SFI1: variants seen among roughly 807,000 people sequenced by gnomAD.
SFI1 encodes the protein SFI1 centrin binding protein, also known as protein SFI1 homolog.
A neutral mutation model predicts 207.5 loss-of-function variants in SFI1; 195 were observed. That is an observed-to-expected ratio of 0.94 (90% CI 0.84 to 1.06). SFI1 has a LOEUF of 1.06. Among genes scored for constraint, SFI1 ranks in the 50% least tolerant of loss-of-function variants. The pLI is 0.00. For missense variants in SFI1, 1,634 were observed against 1,588.0 expected, an observed-to-expected ratio of 1.03 and a Z score of -0.49; for synonymous variants, 630 against 598.9, an observed-to-expected ratio of 1.05 and a Z score of -0.76.
intron 2 of SFI1, among the ~76,000 whole-genome samples, chr22:31,515,838 A>G (rs1304954055): frequency 6.8e-6 from 1 of 147,444 alleles, no homozygotes; most frequent in Non-Finnish European, 1.5e-5. Context: ...CCTGGGTTCA[A>G]GCAATTCTCC....
chr22:31,516,162 T>C (rs1289501696), intron 2 of SFI1, among the ~76,000 whole-genome samples: 1 of 152,148 alleles, frequency 6.6e-6, no homozygotes, highest in Non-Finnish European at 1.5e-5. Flanking sequence ...TTGTATGTTT[T>C]ATGTGTGATA....
rs61729922 is a variant in SFI1 at position 31,550,314 on chromosome 22, G to A, written c.510G>A (p.Glu170=). 3.7e-3 allele frequency: 5,943 copies of A among 1,614,184 alleles called. 8 individuals are homozygous for A. Among genetic ancestry groups the A allele is most frequent in the Non-Finnish European group, 4.5e-3 (5,291 of 1,180,000 alleles). ...AGACCTATGTGCGTCAGCAGCAGGA[G>A]ATGAGGAACAAGTACATTAGAGCCG... is the stretch of plus-strand genomic sequence containing the variant. The part of the protein sequence containing the change: ...TWKTYVRQQQ[E]MRNKYIRAEV... Residue 170 remains glutamate, a synonymous_variant, in exon 6 of 33, where the codon GAG becomes GAA. Coordinates refer to ENST00000400288, the MANE Select transcript of SFI1 (RefSeq NM_001007467.3).
chr22:31,580,999 C>G (rs376702350), intron 12 of SFI1, among the ~76,000 whole-genome samples: 48 of 152,126 alleles, frequency 3.2e-4, no homozygotes, highest in African/African-American at 1.1e-3. Context: ...GATACAAATA[C>G]TTTCTTTTTT....
chr22:31,503,594 T>G (rs576186062), intron 1 of SFI1, among the ~76,000 whole-genome samples: 1 of 148,128 alleles, frequency 6.8e-6, no homozygotes, highest in African/African-American at 2.5e-5. Context: ...GTTTTTTTTT[T>G]TTTTTTTTTT....
chr22:31,608,153 C>A, intron 22 of SFI1, 120 bp downstream of exon 22: 1 of 723,932 alleles, frequency 1.4e-6, no homozygotes, highest in Non-Finnish European at 2.3e-6. Context: ...CTGTGGTTGC[C>A]ATGACAAAGT....
rs200458156 is a variant in SFI1 at position 31,589,531 on chromosome 22, C to T, written c.1498C>T (p.Arg500Cys). ...CACATGGAACAGACTCTGGCGATGGCGCCACCAGGAAAATGTCCTCAGTGC... is the reference window on the plus strand; with the variant it reads ...CACATGGAACAGACTCTGGCGATGGTGCCACCAGGAAAATGTCCTCAGTGC... ...FHTWNRLWRW[R>C]HQENVLSARA... Residue 500 changes from arginine to cysteine, a missense_variant, in exon 15 of 33, where the codon CGC (arginine) becomes TGC (cysteine). Transcript: ENST00000400288. 1.1e-5 allele frequency: 18 copies of T among 1,613,912 alleles called. No individual in the cohort carries two copies. Among genetic ancestry groups the T allele is most frequent in the South Asian group, 2.2e-5 (2 of 91,026 alleles).
Position 31,528,828 on chromosome 22 carries a change from T to C in SFI1, c.231T>C (p.Cys77=). 1 of 1,614,082 alleles carries C rather than the reference T, an allele frequency of 6.2e-7. No individual in the cohort carries two copies. The highest frequency in any genetic ancestry group is 8.5e-7 in the Non-Finnish European group (1 of 1,179,968). ...TGCAGTATCGTGGCACACATACTTG[T>C]ACCCGACAGGGCCGGTTAAGAGAAC... ...HLVQYRGTHT[C]TRQGRLRELR... is the part of the protein sequence containing the mutation. Residue 77 remains cysteine (C), a synonymous_variant, in exon 3 of 33, where the codon TGT becomes TGC. Coordinates refer to ENST00000400288, the MANE Select transcript of SFI1 (RefSeq NM_001007467.3).
chr22:31,496,726 C>T (rs1208368061), intron 1 of SFI1, 89 bp downstream of exon 1: 2 of 152,254 alleles, frequency 1.3e-5, no homozygotes, highest in Non-Finnish European at 2.9e-5. Context: ...CGGGTTCCTC[C>T]GAGCCCGGTG....
chr22:31,539,889 A>G (rs1336124762), intron 4 of SFI1, among the ~76,000 whole-genome samples: 1 of 151,326 alleles, frequency 6.6e-6, no homozygotes, highest in Non-Finnish European at 1.5e-5. Flanking sequence ...CTACTTTTTG[A>G]ATTTTTAGTA....
rs1490699404 is a variant in SFI1, at chr22:31,615,585, T to G, written c.3300+306T>G. 4 of 305,686 alleles carry G rather than the reference T, an allele frequency of 1.3e-5. No individual in the cohort carries two copies. The East Asian group carries it at 2.1e-4, about 16-fold the overall frequency. 18.9% of individuals were successfully genotyped at this position (305,686 alleles called of 1,614,324 possible). The stretch of plus-strand genomic sequence containing the variant: ...GGGTCCTGCAGGCCACAGTGAGAAG[T>G]AGCCTGGGATTTGAGAAGAGTAGGA... On this transcript the variant is annotated intron_variant, in intron 29 of 32. Transcript: ENST00000400288.
intron 23 of SFI1, 141 bp downstream of exon 23, chr22:31,611,444 T>C (rs2070125442): frequency 1.8e-6 from 2 of 1,130,778 alleles, no homozygotes; most frequent in Non-Finnish European, 1.2e-6. Flanking sequence ...TGGGGTCCTG[T>C]AAGACAAAGC....
chr22:31,550,345 C>T lies in SFI1; in HGVS notation c.541C>T (p.His181Tyr). Residue 181 changes from histidine to tyrosine, a missense_variant, in exon 6 of 33, where the codon CAT becomes TAT. By Grantham distance (83) the His-to-Tyr change is moderately conservative. Coordinates refer to ENST00000400288, the MANE Select transcript of SFI1 (RefSeq NM_001007467.3). The part of the protein sequence containing the change: ...MRNKYIRAEV[H>Y]DAKQKMRQAW... ...GAACAAGTACATTAGAGCCGAGGTT[C>T]ATGGTGAGAAAAAGAAGTCCATGTC... 6.2e-7 allele frequency: 1 copy of T among 1,613,466 alleles called. No homozygotes were observed. Among genetic ancestry groups the T allele is most frequent in the Non-Finnish European group, 8.5e-7 (1 of 1,179,584 alleles).
intron 15 of SFI1, among the ~76,000 whole-genome samples, chr22:31,598,233 C>T (rs550508809): frequency 2.0e-5 from 3 of 152,126 alleles, no homozygotes; most frequent in Admixed American, 6.5e-5. Context: ...GATCCGCCCG[C>T]CTTGGCCTCC....
At chr22:31,502,477 G>A (rs931824946) in intron 1 of SFI1, among the ~76,000 whole-genome samples, 2 of 151,828 alleles carry the variant, frequency 1.3e-5, no homozygotes, top group East Asian at 1.9e-4. Context: ...GGGTTCAAGC[G>A]ATTCTCCTGC....
chr22:31,542,261 A>G (rs969556818), intron 4 of SFI1, among the ~76,000 whole-genome samples: 1 of 151,444 alleles, frequency 6.6e-6, no homozygotes, highest in Non-Finnish European at 1.5e-5. Context: ...GCATACACAC[A>G]TGCTTGTTTA....
At chr22:31,611,626 C>T (rs2070161035) in intron 23 of SFI1, 140 bp from the exon 24 acceptor site, 9 of 861,354 alleles carry the variant, frequency 1.0e-5, no homozygotes, top group Non-Finnish European at 1.6e-5. Flanking sequence ...CCTGCCTATG[C>T]AGGAGACCCC....
At chr22:31,528,182 G>T (rs2058117254) in intron 2 of SFI1, among the ~76,000 whole-genome samples, 1 of 151,960 alleles carries the variant, frequency 6.6e-6, no homozygotes, top group Admixed American at 6.6e-5. Flanking sequence ...CTACTCAGGA[G>T]GATGTGGTAG....
intron 15 of SFI1, among the ~76,000 whole-genome samples, chr22:31,593,423 C>T (rs2066472473): frequency 1.4e-5 from 2 of 141,924 alleles, no homozygotes; most frequent in Admixed American, 1.4e-4. Flanking sequence ...ACGCTCCTCA[C>T]TTCCTAGATG....
At chr22:31,539,229 C>G (rs753833643) in intron 4 of SFI1, among the ~76,000 whole-genome samples, 1 of 152,180 alleles carries the variant, frequency 6.6e-6, no homozygotes. Context: ...AATGGCCCCT[C>G]ATTGGTCTCC....
Sources: allele counts gnomAD v4.1 joint callset (sites outside exome capture counted in the v4.1 genomes callset), GRCh38; gene constraint gnomAD v4.1.1; transcripts MANE v1.5; gene names NCBI Gene and HGNC (gene_info 2026-07-23, HGNC 2026-07-21).